The following GALR1 variants were observed in gnomAD, a reference collection of about 807,000 sequenced individuals.
GALR1 encodes the protein galanin receptor 1.
In GALR1, 11 loss-of-function variants were observed where a neutral mutation model predicts 17.9. The observed-to-expected ratio is 0.62, with a 90% confidence interval of 0.39 to 1.02. The LOEUF (loss-of-function observed/expected upper bound fraction) is 1.02, where lower values mean the gene tolerates loss of function less well. Among genes scored for constraint, GALR1 ranks in the 50% least tolerant of loss-of-function variants. GALR1 has a pLI of 0.01. For synonymous variants in GALR1, 206 were observed against 205.7 expected (o/e 1.00, Z -0.01); for missense variants, 441 against 456.9 (o/e 0.97, Z 0.32).
At chr18:77,258,626 GAT>G (rs376071561) in intron 2 of GALR1, among the ~76,000 whole-genome samples, 25 of 128,596 alleles carry the variant, frequency 1.9e-4, no homozygotes, top group African/African-American at 6.7e-4. Context: ...TGGTGGTGGT[GAT>G]GGTGGTGATG....
chr18:77,264,098 C>T (rs1308011315), intron 2 of GALR1, among the ~76,000 whole-genome samples: 2 of 128,060 alleles, frequency 1.6e-5, no homozygotes. Flanking sequence ...TGTGCCACTG[C>T]ACTCCAGCCT....
chr18:77,273,954 C>T lies in GALR1; in HGVS notation c.*5052C>T, dbSNP rs1201692986. 1 of 152,166 alleles carries T rather than the reference C, an allele frequency of 6.6e-6. No individual in the cohort carries two copies. The highest frequency in any genetic ancestry group is 1.5e-5 in the Non-Finnish European group (1 of 68,046). The allele number at this position is 152,166 out of a possible 1,614,324, so 9.4% of individuals were successfully genotyped here. ...TGGAATGGACTGGAACTGAGCTCCA[C>T]TGTTTAAATTTTTGACTCTCAGGTA... On this transcript the variant is annotated 3_prime_UTR_variant, in exon 3 of 3. Transcript: ENST00000299727.
intron 2 of GALR1, among the ~76,000 whole-genome samples, chr18:77,258,692 GGTGGTGGTC>G: frequency 6.8e-6 from 1 of 147,674 alleles, no homozygotes; most frequent in South Asian, 2.2e-4. Flanking sequence ...TGGTGATGGT[GGTGGTGGTC>G]ATGTGATGGT....
intron 1 of GALR1, among the ~76,000 whole-genome samples, chr18:77,252,664 A>G (rs894655508): frequency 6.6e-6 from 1 of 152,108 alleles, no homozygotes; most frequent in Non-Finnish European, 1.5e-5. Context: ...CCTGACCAAC[A>G]GGGTGAAACC....
Position 77,259,918 on chromosome 18 carries a change from G to T in GALR1, c.732+3695G>T, listed in dbSNP as rs143755644. Among the ~76,000 whole-genome samples the T allele has an allele frequency of 1.8e-3, 277 of 152,106 alleles. 2 individuals carry two copies. Among genetic ancestry groups the T allele is most frequent in the African/African-American group, 6.3e-3 (261 of 41,476 alleles). ...CTTCCCTGAAGACAGGAACTGGGTT[G>T]GTCCATCGTGGGTATTTCCCCAGGT... On this transcript the variant is annotated intron_variant, in intron 2 of 2. Transcript: ENST00000299727.
rs1024713564 is a variant in GALR1 at position 77,274,763 on chromosome 18, C to T, written c.*5861C>T. ...TAATTTGTTGAGAATCATTAGAGAA[C>T]AACTAATCCAAAAAATCTATCATCC... On this transcript the variant is annotated 3_prime_UTR_variant, in exon 3 of 3. Transcript: ENST00000299727. 6.6e-6 allele frequency: 1 copy of T among 152,208 alleles called. No homozygotes were observed. Among genetic ancestry groups the T allele is most frequent in the African/African-American group, 2.4e-5 (1 of 41,450 alleles). The allele number at this position is 152,208 out of a possible 1,614,324, so 9.4% of individuals were successfully genotyped here.
chr18:77,257,191 A>G (rs1295347519), intron 2 of GALR1, among the ~76,000 whole-genome samples: 3 of 152,196 alleles, frequency 2.0e-5, no homozygotes, highest in Non-Finnish European at 2.9e-5. Context: ...CTTTATGAAC[A>G]GTAATGTGGC....
chr18:77,259,587 T>C (rs1469749144), intron 2 of GALR1, among the ~76,000 whole-genome samples: 2 of 149,532 alleles, frequency 1.3e-5, no homozygotes, highest in Non-Finnish European at 3.0e-5. Context: ...GTGATGGTGA[T>C]GGTGGCGATT....
chr18:77,254,995 A>G lies in GALR1; in HGVS notation c.667-1163A>G, dbSNP rs185568331. Among the ~76,000 whole-genome samples the G allele has an allele frequency of 1.7e-3, 259 of 152,286 alleles. 4 individuals carry two copies. The South Asian group carries it at 0.021, about 12-fold the overall frequency. On this transcript the variant is annotated intron_variant, in intron 1 of 2. Transcript: ENST00000299727. ...AAATATATCCTGTGGCTTCCAAGTA[A>G]GGTGTGACTAATTGCTCTGAAAGTG... is the stretch of plus-strand genomic sequence containing the variant.
In GALR1 at chr18:77,269,722, T is replaced by G. The variant is rs1913022733; in HGVS notation, c.*820T>G. The G allele has an allele frequency of 6.6e-6, 1 of 152,256 alleles. No individual in the cohort carries two copies. The highest frequency in any genetic ancestry group is 1.5e-5 in the Non-Finnish European group (1 of 68,050). 9.4% of individuals were successfully genotyped at this position (152,256 alleles called of 1,614,324 possible). On this transcript the variant is annotated 3_prime_UTR_variant, in exon 3 of 3. Transcript: ENST00000299727. Reference sequence around the variant, plus strand: ...TTTACATTAGTACTTGACAAAAGTTTTCATTTTGCCTTGAATGGAACCTAC... The same window carrying G: ...TTTACATTAGTACTTGACAAAAGTTGTCATTTTGCCTTGAATGGAACCTAC...
At chr18:77,265,817 G>A (rs958392231) in intron 2 of GALR1, among the ~76,000 whole-genome samples, 1 of 151,982 alleles carries the variant, frequency 6.6e-6, no homozygotes, top group African/African-American at 2.4e-5. Context: ...ATTAGCCACA[G>A]CTGGGACACA....
chr18:77,268,494 T>C (rs1912988374), intron 2 of GALR1, 91 bp from the exon 3 acceptor site: 1 of 861,222 alleles, frequency 1.2e-6, no homozygotes, highest in East Asian at 2.4e-5. Context: ...GCTGGATTCC[T>C]TTTGTGTTGT....
chr18:77,267,597 T>C (rs1912970682), intron 2 of GALR1, among the ~76,000 whole-genome samples: 2 of 152,340 alleles, frequency 1.3e-5, no homozygotes, highest in East Asian at 1.9e-4. Flanking sequence ...AACCATCTGT[T>C]TGAGGAGAGA....
In GALR1 at chr18:77,265,611, A is replaced by G. The variant is rs192873052; in HGVS notation, c.733-2974A>G. 1.8e-3 allele frequency among the ~76,000 whole-genome samples: 272 copies of G among 152,338 alleles called. 3 individuals carry two copies. The highest frequency in any genetic ancestry group is 6.3e-3 in the African/African-American group (263 of 41,586). On this transcript the variant is annotated intron_variant, in intron 2 of 2. Coordinates refer to ENST00000299727, the MANE Select transcript of GALR1 (RefSeq NM_001480.4). Reference sequence around the variant, plus strand: ...TGTACTGCCCCAGCAGAGGTTCTCCATAAGGACTCTGCCCCTGCAGTAGAC... The same window carrying G: ...TGTACTGCCCCAGCAGAGGTTCTCCGTAAGGACTCTGCCCCTGCAGTAGAC...
intron 2 of GALR1, among the ~76,000 whole-genome samples, chr18:77,261,377 T>C (rs1599361465): frequency 6.6e-6 from 1 of 152,302 alleles, no homozygotes; most frequent in Non-Finnish European, 1.5e-5. Context: ...CGGAGGACCC[T>C]GTAAGAGAGT....
intron 2 of GALR1, among the ~76,000 whole-genome samples, chr18:77,256,763 G>C (rs966397358): frequency 3.9e-5 from 6 of 152,158 alleles, no homozygotes; most frequent in Non-Finnish European, 8.8e-5. Flanking sequence ...AAGGCTGAAA[G>C]CAGATTCCTC....
At chr18:77,253,712 C>T (rs1912521926) in intron 1 of GALR1, 1 of 152,184 alleles carries the variant, frequency 6.6e-6, no homozygotes, top group African/African-American at 2.4e-5. Context: ...ATTAGCTGTT[C>T]CTCCAAACCC....
At chr18:77,263,654 C>T (rs1912880946) in intron 2 of GALR1, among the ~76,000 whole-genome samples, 1 of 152,088 alleles carries the variant, frequency 6.6e-6, no homozygotes, top group African/African-American at 2.4e-5. Context: ...GAGATCTAGC[C>T]CTCCCTCTAC....
At position 77,250,782 on chromosome 18, in the gene GALR1, C is replaced by T. The variant is rs1912387843; in HGVS notation, c.234C>T (p.Ser78=). 1.2e-6 allele frequency: 2 copies of T among 1,613,994 alleles called. No homozygotes were observed. The highest frequency in any genetic ancestry group is 1.7e-6 in the Non-Finnish European group (2 of 1,180,002). The change falls in exon 1 of 3, where the codon AGC becomes AGT. Residue 78 remains serine (S), a synonymous_variant. Transcript: ENST00000299727. ...CCAACCTGTTCATCCTCAACCTGAG[C>T]ATCGCCGACCTGGCCTACCTGCTCT... ...STTNLFILNL[S]IADLAYLLFC...
Sources: allele counts gnomAD v4.1 joint callset (sites outside exome capture counted in the v4.1 genomes callset), GRCh38; gene constraint gnomAD v4.1.1; transcripts MANE v1.5; gene names NCBI Gene and HGNC (gene_info 2026-07-23, HGNC 2026-07-21).